Variants in GABRA5 observed in about 807,000 individuals in gnomAD.
The protein encoded by GABRA5 is gamma-aminobutyric acid receptor subunit alpha-5.
In GABRA5, 18 loss-of-function variants were observed where a neutral mutation model predicts 47.3. The observed-to-expected ratio is 0.38, with a 90% CI of 0.26 to 0.56. GABRA5 has a LOEUF of 0.56. Ranked by LOEUF, GABRA5 falls within the 20% of genes least tolerant of loss-of-function variation. The pLI is 0.71. For synonymous variants in GABRA5, 237 were observed against 229.3 expected, an observed-to-expected ratio of 1.03 and a Z score of -0.30; for missense variants, 365 against 599.3, an observed-to-expected ratio of 0.61 and a Z score of 4.08.
chr15:26,935,607 C>T lies in GABRA5; in HGVS notation c.581-1578C>T, dbSNP rs536405032. On this transcript the variant is annotated intron_variant, in intron 7 of 10. Transcript: ENST00000335625. ...CAGGAGGAGCCATCAGTGACTGTGC[C>T]GTCCCCAGTCCGATTGAGGAAAGTG... Among the ~76,000 whole-genome samples, 40 of 152,320 alleles carry T rather than the reference C, an allele frequency of 2.6e-4. 2 individuals are homozygous for T. The highest frequency in any genetic ancestry group is 8.9e-4 in the African/African-American group (37 of 41,578).
intron 3 of GABRA5, among the ~76,000 whole-genome samples, chr15:26,875,479 A>T (rs1417723171): frequency 6.6e-6 from 1 of 152,184 alleles, no homozygotes; most frequent in African/African-American, 2.4e-5. Context: ...GTAGGTTATG[A>T]TGATTGCTAT....
intron 7 of GABRA5, among the ~76,000 whole-genome samples, chr15:26,924,029 T>C (rs1266891455): frequency 5.9e-5 from 9 of 152,052 alleles, no homozygotes; most frequent in Non-Finnish European, 1.3e-4. Flanking sequence ...TAAAAACATC[T>C]TTGTCCAGTA....
intron 6 of GABRA5, among the ~76,000 whole-genome samples, chr15:26,911,388 C>CACACACACACACACAAACACACACAA (rs879417314): frequency 1.4e-5 from 2 of 146,652 alleles, no homozygotes; most frequent in South Asian, 2.2e-4. Flanking sequence ...CACACACACA[C>CACACACACACACACAAACACACACAA]ACACACACAA....
intron 6 of GABRA5, among the ~76,000 whole-genome samples, chr15:26,897,311 C>A (rs1272803950): frequency 6.6e-6 from 1 of 152,078 alleles, no homozygotes; most frequent in African/African-American, 2.4e-5. Context: ...GATCCTTATA[C>A]AATGAGGAGA....
At chr15:26,869,152 TC>T in intron 2 of GABRA5, 22 bp from the exon 3 acceptor site, 1 of 780,372 alleles carries the variant, frequency 1.3e-6, no homozygotes, top group South Asian at 1.4e-5. Flanking sequence ...TTCACGTGCT[TC>T]CCCGCTTTGT....
chr15:26,947,979 A>G lies in GABRA5; in HGVS notation c.1135A>G (p.Thr379Ala), dbSNP rs374655869. The G allele has an allele frequency of 1.9e-6, 3 of 1,594,694 alleles. No individual in the cohort carries two copies. Among genetic ancestry groups the G allele is most frequent in the Non-Finnish European group, 2.6e-6 (3 of 1,170,018 alleles). ...ILNKSTNAFT[T>A]GKMSHPPNIP... ...AAATAAGTCAACAAACGCTTTTACA[A>G]CTGGGAAGATGTCTCACCCCCCAAA... Residue 379 changes from threonine to alanine, a missense_variant, in exon 11 of 11, where the codon ACT becomes GCT. By Grantham distance (58) the Thr-to-Ala change is moderately conservative. This residue lies in a region of GABRA5 where 106 missense variants were observed against 130.3 expected (regional missense o/e 0.81). Coordinates refer to ENST00000335625, the MANE Select transcript of GABRA5 (RefSeq NM_000810.4).
chr15:26,875,059 T>C (rs1283758237), intron 3 of GABRA5, among the ~76,000 whole-genome samples: 2 of 152,170 alleles, frequency 1.3e-5, no homozygotes, highest in Admixed American at 1.3e-4. Flanking sequence ...GGTCTCAATG[T>C]GGGATTAATC....
At chr15:26,875,403 G>A (rs1244393120) in intron 3 of GABRA5, among the ~76,000 whole-genome samples, 1 of 152,246 alleles carries the variant, frequency 6.6e-6, no homozygotes, top group Non-Finnish European at 1.5e-5. Flanking sequence ...GCACAGAGCA[G>A]AGCAGGGGCA....
intron 10 of GABRA5, among the ~76,000 whole-genome samples, chr15:26,945,567 T>G (rs1894490782): frequency 1.3e-5 from 2 of 152,168 alleles, no homozygotes; most frequent in African/African-American, 4.8e-5. Context: ...TTGCCTCATG[T>G]CAGGGATGTG....
chr15:26,905,289 T>C (rs1376319975), intron 6 of GABRA5, among the ~76,000 whole-genome samples: 5 of 151,686 alleles, frequency 3.3e-5, no homozygotes, highest in Admixed American at 3.3e-4. Flanking sequence ...AAGTTTTTTT[T>C]TTCTTTCAGC....
chr15:26,878,435 G>A (rs112614218), intron 3 of GABRA5, among the ~76,000 whole-genome samples: 9 of 152,164 alleles, frequency 5.9e-5, no homozygotes, highest in East Asian at 1.9e-4. Context: ...TCATAACCAC[G>A]CACTGCAGAT....
chr15:26,883,170 C>T lies in GABRA5; in HGVS notation c.213C>T (p.Arg71=). 1 of 1,613,654 alleles carries T rather than the reference C, an allele frequency of 6.2e-7. No individual in the cohort carries two copies. Among genetic ancestry groups the T allele is most frequent in the Non-Finnish European group, 8.5e-7 (1 of 1,179,602 alleles). The stretch of plus-strand genomic sequence containing the variant: ...GGACCTGTGTCTGTCTTTCAGAGCG[C>T]ATCACTCAGGTGAGGACCGACATCT... ...DNRLRPGLGE[R]ITQVRTDIYV... is the part of the protein sequence containing the mutation. The change falls in exon 5 of 11, where the codon CGC becomes CGT. Residue 71 remains arginine (R), a synonymous_variant. Coordinates refer to ENST00000335625, the MANE Select transcript of GABRA5 (RefSeq NM_000810.4). This position sits in a 1 kb window ranked among gnomAD's most constrained non-coding sequence, Gnocchi z 4.8.
In GABRA5 at chr15:26,947,920, A is replaced by G. The variant is rs1400944587; in HGVS notation, c.1090-14A>G. On this transcript the variant is annotated splice_polypyrimidine_tract_variant and intron_variant, in intron 10 of 10. Coordinates refer to ENST00000335625, the MANE Select transcript of GABRA5 (RefSeq NM_000810.4). ...GCAAATGGCGTGTCCTTACATTCGT[A>G]TTATATTTTGCAGAAAAAGCGTGAA... 9 of 1,559,114 alleles carry G rather than the reference A, an allele frequency of 5.8e-6. No homozygotes were observed. Among genetic ancestry groups the G allele is most frequent in the Non-Finnish European group, 7.0e-6 (8 of 1,150,612 alleles).
Position 26,870,262 on chromosome 15 carries a change from G to T in GABRA5, c.86+928G>T, listed in dbSNP as rs117381644. ...AGCCTTCCCATCTGGGGGGAAAGAAGACATCCCCAGGGCCATGATGTTTTC... is the reference window on the plus strand; with the variant it reads ...AGCCTTCCCATCTGGGGGGAAAGAATACATCCCCAGGGCCATGATGTTTTC... On this transcript the variant is annotated intron_variant, in intron 3 of 10. Transcript: ENST00000335625. 1.7e-3 allele frequency among the ~76,000 whole-genome samples: 264 copies of T among 152,288 alleles called. 6 individuals are homozygous for T. In the East Asian group the frequency reaches 0.039, roughly 23 times the overall value.
At chr15:26,922,787 G>T (rs954607377) in intron 7 of GABRA5, among the ~76,000 whole-genome samples, 1 of 152,130 alleles carries the variant, frequency 6.6e-6, no homozygotes, top group Non-Finnish European at 1.5e-5. Flanking sequence ...AAGAGACAAG[G>T]TCTTGCTTTG....
At position 26,883,279 on chromosome 15, in the gene GABRA5, G is replaced by A. The variant is rs758537317; in HGVS notation, c.276+46G>A. 7 of 1,609,962 alleles carry A rather than the reference G, an allele frequency of 4.3e-6. No homozygotes were observed. Among genetic ancestry groups the A allele is most frequent in the Admixed American group, 1.7e-5 (1 of 60,022 alleles). On this transcript the variant is annotated intron_variant, in intron 5 of 10. Coordinates refer to ENST00000335625, the MANE Select transcript of GABRA5 (RefSeq NM_000810.4). This position sits in a 1 kb window ranked among gnomAD's most constrained non-coding sequence, Gnocchi z 4.8. ...GGGCAGACAATTCTTACTCCGCGCCGCAGGCCCCCGCCCAGGCCCCGTGCC... is the reference window on the plus strand; with the variant it reads ...GGGCAGACAATTCTTACTCCGCGCCACAGGCCCCCGCCCAGGCCCCGTGCC...
chr15:26,930,714 G>A (rs1894080686), intron 7 of GABRA5, among the ~76,000 whole-genome samples: 2 of 152,018 alleles, frequency 1.3e-5, no homozygotes, highest in Non-Finnish European at 2.9e-5. Flanking sequence ...GCTTTAAACA[G>A]TCCATTCATG....
rs773633746 is a variant in GABRA5 at position 26,940,087 on chromosome 15, C to T, written c.877+10C>T. 6.2e-7 allele frequency: 1 copy of T among 1,607,164 alleles called. No individual in the cohort carries two copies. Among genetic ancestry groups the T allele is most frequent in the Non-Finnish European group, 8.5e-7 (1 of 1,176,026 alleles). On this transcript the variant is annotated intron_variant, in intron 9 of 10. Transcript: ENST00000335625. Reference sequence around the variant, plus strand: ...GCCAGGACAGTTTTTGGTGAGTGTCCCCAAGCCAGGCCTGGACACTGGTGT... The same window carrying T: ...GCCAGGACAGTTTTTGGTGAGTGTCTCCAAGCCAGGCCTGGACACTGGTGT...
intron 6 of GABRA5, among the ~76,000 whole-genome samples, chr15:26,892,706 A>G (rs927298036): frequency 2.6e-5 from 4 of 152,216 alleles, no homozygotes; most frequent in Non-Finnish European, 5.9e-5. Flanking sequence ...AGCAATATTA[A>G]TAAGGTCCGA....
Sources: allele counts gnomAD v4.1 joint callset (sites outside exome capture counted in the v4.1 genomes callset), GRCh38; gene constraint gnomAD v4.1.1; regional missense constraint gnomAD v4.1.1; non-coding constraint Gnocchi (gnomAD v3.1); transcripts MANE v1.5; gene names NCBI Gene and HGNC (gene_info 2026-07-23, HGNC 2026-07-21).